Variants in THOC2 observed in about 807,000 individuals in gnomAD.
THOC2 encodes the protein THO complex subunit 2, also known as THO complex 2.
THOC2 carries 10 observed loss-of-function variants against 128.4 expected under a neutral mutation model. The observed-to-expected ratio is 0.08, with a 90% CI of 0.05 to 0.13. THOC2 has a LOEUF of 0.13. Ranked by LOEUF, THOC2 falls within the 10% of genes least tolerant of loss-of-function variation. The pLI is 1.00. For missense variants in THOC2, 535 were observed against 1,155.7 expected (o/e 0.46, Z 7.79); for synonymous variants, 393 against 396.9 (o/e 0.99, Z 0.12).
intron 10 of THOC2, among the ~76,000 whole-genome samples, chrX:123,667,608 C>T (rs1233227811): frequency 9.0e-6 from 1 of 110,631 alleles, no homozygotes; most frequent in Non-Finnish European, 1.9e-5. Flanking sequence ...TGTGGTGGCG[C>T]ATGCCTGTAG....
At chrX:123,732,781 G>A (rs1224214191) in intron 1 of THOC2, among the ~76,000 whole-genome samples, 171 bp downstream of exon 1, 1 of 111,032 alleles carries the variant, frequency 9.0e-6, no homozygotes, top group African/African-American at 3.3e-5. Context: ...GGTCCGCGGC[G>A]GTAAACAGCA....
intron 6 of THOC2, 52 bp from the exon 7 acceptor site, chrX:123,696,206 G>T: frequency 1.1e-6 from 1 of 886,060 alleles, no homozygotes; most frequent in Non-Finnish European, 1.6e-6. Flanking sequence ...TAATTAACAA[G>T]CTTGCACAGA....
rs774157703 is a variant in THOC2, at chrX:123,667,206, T to C, written c.1090A>G (p.Ile364Val). Reference sequence around the variant, plus strand: ...TAGTATGGAGGCATCTGATCCATAATGTTCTGTGCATGTTGCCAATCACCA... The same window carrying C: ...TAGTATGGAGGCATCTGATCCATAACGTTCTGTGCATGTTGCCAATCACCA... Reference protein sequence around the residue: ...KIGDWQHAQNIMDQMPPYYAA... With the variant: ...KIGDWQHAQNVMDQMPPYYAA... Residue 364 changes from isoleucine (I) to valine (V), a missense_variant, in exon 11 of 39, where the codon ATT becomes GTT. Transcript: ENST00000245838. 1.2e-5 allele frequency: 14 copies of C among 1,209,009 alleles called. No homozygotes were observed. Among genetic ancestry groups the C allele is most frequent in the Non-Finnish European group, 1.6e-5 (14 of 893,802 alleles).
intron 33 of THOC2, among the ~76,000 whole-genome samples, chrX:123,618,518 T>C (rs1039387388): frequency 1.8e-5 from 2 of 111,833 alleles, no homozygotes; most frequent in African/African-American, 6.5e-5. Flanking sequence ...TTTCATTTGG[T>C]CCACCAGTAA....
intron 1 of THOC2, among the ~76,000 whole-genome samples, chrX:123,729,126 T>C (rs1192675073): frequency 1.8e-5 from 2 of 112,321 alleles, no homozygotes; most frequent in African/African-American, 6.5e-5. Flanking sequence ...TACATATCTT[T>C]CAGAATTTGG....
chrX:123,614,183 T>C lies in THOC2; in HGVS notation c.4318A>G (p.Ile1440Val). The change falls in exon 34 of 39, where the codon ATT becomes GTT. Residue 1440 changes from isoleucine (I) to valine (V), a missense_variant. Transcript: ENST00000245838. ...GACAGTGGTGGAGGAGTATGATTAA[T>C]GTAGAGCTGTTAAATTAAGGCAATA... ...ELKESSAKLYINHTPPPLSKS... is the reference protein window; with the variant it reads ...ELKESSAKLYVNHTPPPLSKS... The C allele has an allele frequency of 8.6e-7, 1 of 1,164,746 alleles. No individual in the cohort carries two copies. Among genetic ancestry groups the C allele is most frequent in the South Asian group, 2.1e-5 (1 of 46,900 alleles).
chrX:123,661,176 G>T (rs2048810194), intron 12 of THOC2, among the ~76,000 whole-genome samples: 1 of 112,059 alleles, frequency 8.9e-6, no homozygotes, highest in African/African-American at 3.2e-5. Context: ...AGGCGGAGAA[G>T]GGCAGATCAC....
At chrX:123,636,781 G>A (rs1171776895) in intron 18 of THOC2, among the ~76,000 whole-genome samples, 1 of 111,761 alleles carries the variant, frequency 8.9e-6, no homozygotes, top group Non-Finnish European at 1.9e-5. Context: ...GGAGATTCAA[G>A]TAAAGTCAAG....
chrX:123,720,499 T>C (rs1234749626), intron 1 of THOC2, among the ~76,000 whole-genome samples: 3 of 111,690 alleles, frequency 2.7e-5, no homozygotes, highest in Non-Finnish European at 5.6e-5. Context: ...AAAAACAGTA[T>C]AGAGATTCCT....
chrX:123,687,905 A>C (rs768932802), intron 7 of THOC2, among the ~76,000 whole-genome samples: 1 of 111,961 alleles, frequency 8.9e-6, no homozygotes, highest in Non-Finnish European at 1.9e-5. Context: ...GTTTCCCTGA[A>C]GTTCTAGGAA....
rs2046791746 is a variant in THOC2, at chrX:123,613,802, A to G, written c.4450-94T>C. The G allele has an allele frequency of 1.4e-5, 12 of 853,897 alleles. No homozygotes were observed. The South Asian group carries it at 2.7e-4, about 19-fold the overall frequency. 70.4% of individuals were successfully genotyped at this position (853,897 alleles called of 1,213,427 possible). A position where few individuals can be genotyped will look rare whatever the true frequency, so the allele number is the denominator to read the frequency against. Reference sequence around the variant, plus strand: ...ATGAGAAGGGCACAGCTAACTAGCAATGGAGAGTATTTGCAGTAGTTTCAC... The same window carrying G: ...ATGAGAAGGGCACAGCTAACTAGCAGTGGAGAGTATTTGCAGTAGTTTCAC... On this transcript the variant is annotated intron_variant, in intron 34 of 38. Coordinates refer to ENST00000245838, the MANE Select transcript of THOC2 (RefSeq NM_001081550.2).
chrX:123,690,207 T>C (rs2050163565), intron 7 of THOC2, among the ~76,000 whole-genome samples: 2 of 111,234 alleles, frequency 1.8e-5, no homozygotes, highest in South Asian at 7.6e-4. Flanking sequence ...TGCTTGTGAT[T>C]CTCCGGGAAA....
intron 1 of THOC2, among the ~76,000 whole-genome samples, chrX:123,726,357 A>C (rs774273222): frequency 4.5e-5 from 5 of 111,039 alleles, no homozygotes; most frequent in African/African-American, 9.8e-5. Context: ...AAAAAAGAAA[A>C]AGAGGAAAGG....
intron 7 of THOC2, among the ~76,000 whole-genome samples, chrX:123,692,828 G>A (rs781455647): frequency 3.1e-4 from 35 of 111,600 alleles, no homozygotes; most frequent in Middle Eastern, 9.2e-3. Flanking sequence ...ACTAAAGGAT[G>A]ATAAGTAAGG....
In THOC2 at chrX:123,624,195, A is replaced by C. The variant is rs1299847688; in HGVS notation, c.3187-4T>G. 4 of 1,173,497 alleles carry C rather than the reference A, an allele frequency of 3.4e-6. No individual in the cohort carries two copies. The highest frequency in any genetic ancestry group is 4.5e-6 in the Non-Finnish European group (4 of 881,508). ...ATCCTGGATAGTTTCCACATTCCTA[A>C]GGAAACAATGTTTGTCACTTTTAAA... On this transcript the variant is annotated splice_polypyrimidine_tract_variant and splice_region_variant and intron_variant, in intron 26 of 38. Transcript: ENST00000245838.
chrX:123,627,610 C>T lies in THOC2; in HGVS notation c.2757+83G>A, dbSNP rs959748616. Reference sequence around the variant, plus strand: ...GCAACAAGATCACTGTTTTAAGGAACCAGAGCTAAAACAATTTCAAAATAT... The same window carrying T: ...GCAACAAGATCACTGTTTTAAGGAATCAGAGCTAAAACAATTTCAAAATAT... On this transcript the variant is annotated intron_variant, in intron 23 of 38. Transcript: ENST00000245838. 6.2e-6 allele frequency: 6 copies of T among 960,854 alleles called. No homozygotes were observed. In the African/African-American group the frequency reaches 1.2e-4, roughly 19 times the overall value. The allele number at this position is 960,854 out of a possible 1,213,427, so 79.2% of individuals were successfully genotyped here.
In THOC2 at chrX:123,639,629, A is replaced by G. The variant is rs965937699; in HGVS notation, c.1747-602T>C. On this transcript the variant is annotated intron_variant, in intron 16 of 38. Coordinates refer to ENST00000245838, the MANE Select transcript of THOC2 (RefSeq NM_001081550.2). ...CTTTACTATGGGTACACACGGACAT[A>G]AAGATAGAAAGACACTGGGGACTCT... Among the ~76,000 whole-genome samples the G allele has an allele frequency of 2.7e-5, 3 of 111,180 alleles. No homozygotes were observed. In the East Asian group the frequency reaches 8.4e-4, roughly 31 times the overall value.
Position 123,614,164 on chromosome X carries a change from G to A in THOC2, c.4337C>T (p.Pro1446Leu), listed in dbSNP as rs746468526. The change falls in exon 34 of 39, where the codon CCA becomes CTA. Residue 1446 changes from proline to leucine, a missense_variant. Pro to Leu is a moderately conservative substitution (Grantham distance 98). Transcript: ENST00000245838. ...TTCTCTCTCCTTACTCTTGGACAGTGGTGGAGGAGTATGATTAATGTAGAG... is the reference window on the plus strand; with the variant it reads ...TTCTCTCTCCTTACTCTTGGACAGTAGTGGAGGAGTATGATTAATGTAGAG... ...AKLYINHTPPPLSKSKEREMD... is the reference protein window; with the variant it reads ...AKLYINHTPPLLSKSKEREMD... 2 of 1,193,544 alleles carry A rather than the reference G, an allele frequency of 1.7e-6. No homozygotes were observed. Among genetic ancestry groups the A allele is most frequent in the Admixed American group, 4.5e-5 (2 of 44,724 alleles).
intron 38 of THOC2, among the ~76,000 whole-genome samples, chrX:123,607,522 T>C (rs779169866): frequency 9.2e-6 from 1 of 108,748 alleles, no homozygotes; most frequent in African/African-American, 3.3e-5. Context: ...CAGGCTGATC[T>C]CAAATTCCTG....
Sources: gnomAD v4.1 joint callset for allele counts (sites outside exome capture counted in the v4.1 genomes callset) on GRCh38, gnomAD v4.1.1 for gene constraint, MANE v1.5 for transcripts, NCBI Gene and HGNC (gene_info 2026-07-23, HGNC 2026-07-21) for gene names.